Variants in TSPAN18 observed in about 807,000 individuals in gnomAD.
TSPAN18 encodes tetraspanin-18.
A neutral mutation model predicts 27.3 loss-of-function variants in TSPAN18; 14 were observed. The ratio of observed to expected loss-of-function variants is 0.51; its 90% CI spans 0.34 to 0.80. The LOEUF (loss-of-function observed/expected upper bound fraction) is 0.80, where lower values mean the gene tolerates loss of function less well. Ranked by LOEUF, TSPAN18 falls within the 30% of genes least tolerant of loss-of-function variation. TSPAN18 has a pLI of 0.01. For synonymous variants in TSPAN18, 143 were observed against 136.5 expected, an observed-to-expected ratio of 1.05 and a Z score of -0.33; for missense variants, 268 against 323.9, an observed-to-expected ratio of 0.83 and a Z score of 1.32.
intron 2 of TSPAN18, among the ~76,000 whole-genome samples, chr11:44,807,812 G>A (rs1288622737): frequency 6.6e-6 from 1 of 152,166 alleles, no homozygotes; most frequent in Non-Finnish European, 1.5e-5. Flanking sequence ...AACCTCTGTG[G>A]CCCAGCTGAA....
intron 2 of TSPAN18, among the ~76,000 whole-genome samples, chr11:44,777,315 G>A (rs957244971): frequency 6.6e-6 from 1 of 152,150 alleles, no homozygotes; most frequent in African/African-American, 2.4e-5. Context: ...TGGGTTGGGG[G>A]TGGGGAGGAC....
chr11:44,870,548 C>T (rs1209439668), intron 3 of TSPAN18, among the ~76,000 whole-genome samples: 7 of 152,184 alleles, frequency 4.6e-5, no homozygotes, highest in Admixed American at 3.9e-4. Flanking sequence ...TGCTTGAATA[C>T]ACCTAGTCAG....
chr11:44,795,662 AAGCTTCTGGGGCCCAGACCCC>A (rs66813694), intron 2 of TSPAN18, among the ~76,000 whole-genome samples: 93,015 of 151,118 alleles, frequency 0.62, 31,002 homozygotes, highest in South Asian at 0.81. Flanking sequence ...CTGATTGTCT[AAGCTTCTGGGGCCCAGACCCC>A]ATTTTCTGCC....
At position 44,844,103 on chromosome 11, in the gene TSPAN18, T is replaced by A. The variant is rs189782505; in HGVS notation, c.-152-16225T>A. Among the ~76,000 whole-genome samples, 131 of 152,344 alleles carry A rather than the reference T, an allele frequency of 8.6e-4. No individual in the cohort carries two copies. In the East Asian group the frequency reaches 0.018, roughly 20 times the overall value. ...TTAGAGATTGCAGTAAAGACAGGCA[T>A]AAGAAATTACAAAAGTATTAATTTG... is the stretch of plus-strand genomic sequence containing the variant. On this transcript the variant is annotated intron_variant, in intron 2 of 9. Coordinates refer to ENST00000520358, the MANE Select transcript of TSPAN18 (RefSeq NM_130783.5).
At chr11:44,815,184 G>C (rs907864488) in intron 2 of TSPAN18, among the ~76,000 whole-genome samples, 6 of 152,192 alleles carry the variant, frequency 3.9e-5, no homozygotes, top group Non-Finnish European at 8.8e-5. Flanking sequence ...AGGCACTCCT[G>C]GGGGCTTCCA....
intron 2 of TSPAN18, among the ~76,000 whole-genome samples, chr11:44,826,786 T>C (rs1000263771): frequency 2.6e-5 from 4 of 152,220 alleles, no homozygotes; most frequent in Non-Finnish European, 1.5e-5. Context: ...GTTTGGATTC[T>C]GCACAGAGCC....
chr11:44,732,000 G>A (rs1195276424), intron 1 of TSPAN18, among the ~76,000 whole-genome samples: 1 of 152,178 alleles, frequency 6.6e-6, no homozygotes, highest in Non-Finnish European at 1.5e-5. Context: ...AGACACTTTC[G>A]ACTTTAAGAT....
chr11:44,824,007 C>T (rs879251307), intron 2 of TSPAN18, among the ~76,000 whole-genome samples: 9 of 152,192 alleles, frequency 5.9e-5, no homozygotes, highest in South Asian at 2.1e-4. Flanking sequence ...TGTAGCCAGT[C>T]GCTGGGAATC....
chr11:44,930,350 C>T lies in TSPAN18; in HGVS notation c.*1172C>T, dbSNP rs992962175. 1.9e-5 allele frequency: 3 copies of T among 156,000 alleles called. No individual in the cohort carries two copies. Among genetic ancestry groups the T allele is most frequent in the African/African-American group, 7.2e-5 (3 of 41,480 alleles). The allele number at this position is 156,000 out of a possible 1,614,324, so 9.7% of individuals were successfully genotyped here. On this transcript the variant is annotated 3_prime_UTR_variant, in exon 10 of 10. Transcript: ENST00000520358. ...TGCCTTTGGACTGCTCTGACTTTAG[C>T]ATCAGCTTAATACACAGAAGAGGTT...
intron 3 of TSPAN18, among the ~76,000 whole-genome samples, chr11:44,901,611 G>A (rs377074299): frequency 5.9e-5 from 9 of 152,224 alleles, no homozygotes; most frequent in African/African-American, 1.7e-4. Flanking sequence ...TTTGACACAA[G>A]AAGGCACTGA....
intron 2 of TSPAN18, among the ~76,000 whole-genome samples, chr11:44,808,406 A>G (rs1168927104): frequency 2.0e-5 from 3 of 152,214 alleles, no homozygotes; most frequent in African/African-American, 7.2e-5. Context: ...AGAAAATCCT[A>G]TGCCTGTGTA....
intron 2 of TSPAN18, among the ~76,000 whole-genome samples, chr11:44,820,504 A>G (rs956159400): frequency 1.3e-5 from 2 of 152,148 alleles, no homozygotes; most frequent in African/African-American, 2.4e-5. Flanking sequence ...GGCACTTGAG[A>G]GCTAGACTGT....
chr11:44,790,590 G>T (rs1189111999), intron 2 of TSPAN18, among the ~76,000 whole-genome samples: 1 of 150,484 alleles, frequency 6.6e-6, no homozygotes, highest in Admixed American at 6.7e-5. Context: ...GTGTGCATGT[G>T]TTCGTGTGTG....
At chr11:44,858,607 C>G (rs985447460) in intron 2 of TSPAN18, among the ~76,000 whole-genome samples, 2 of 152,178 alleles carry the variant, frequency 1.3e-5, no homozygotes, top group South Asian at 2.1e-4. Flanking sequence ...AAGACTCCCC[C>G]CTCCATGGAT....
At position 44,726,977 on chromosome 11, in the gene TSPAN18, C is replaced by T. The variant is rs1019670395; in HGVS notation, c.-550C>T. 2 of 107,512 alleles carry T rather than the reference C, an allele frequency of 1.9e-5. No homozygotes were observed. Among genetic ancestry groups the T allele is most frequent in the Non-Finnish European group, 4.5e-5 (2 of 44,846 alleles). 6.7% of individuals were successfully genotyped at this position (107,512 alleles called of 1,614,324 possible). A position where few individuals can be genotyped will look rare whatever the true frequency, so the allele number is the denominator to read the frequency against. Reference sequence around the variant, plus strand: ...GCGGGCGTGCAGCTGCCGCCGGCGTCGCGGGGCTCCAGGCTGCGGGGCGGA... The same window carrying T: ...GCGGGCGTGCAGCTGCCGCCGGCGTTGCGGGGCTCCAGGCTGCGGGGCGGA... On this transcript the variant is annotated 5_prime_UTR_variant, in exon 1 of 10. Coordinates refer to ENST00000520358, the MANE Select transcript of TSPAN18 (RefSeq NM_130783.5).
At chr11:44,818,404 T>C (rs1372989096) in intron 2 of TSPAN18, among the ~76,000 whole-genome samples, 1 of 152,200 alleles carries the variant, frequency 6.6e-6, no homozygotes, top group Admixed American at 6.5e-5. Context: ...GGCCAGAGGA[T>C]TTCCTGGCTC....
intron 2 of TSPAN18, among the ~76,000 whole-genome samples, chr11:44,808,550 GGAGT>G (rs1856649930): frequency 6.6e-6 from 1 of 152,216 alleles, no homozygotes; most frequent in South Asian, 2.1e-4. Context: ...CTGCAGCATA[GGAGT>G]GAGTGACATG....
At chr11:44,881,771 C>T (rs1227200838) in intron 3 of TSPAN18, among the ~76,000 whole-genome samples, 1 of 152,166 alleles carries the variant, frequency 6.6e-6, no homozygotes, top group Non-Finnish European at 1.5e-5. Flanking sequence ...GCCAACCGTT[C>T]TTGACCCTGT....
In TSPAN18 at chr11:44,739,127, C is replaced by T. The variant is rs141611081; in HGVS notation, c.-240+11840C>T. On this transcript the variant is annotated intron_variant, in intron 1 of 9. Coordinates refer to ENST00000520358, the MANE Select transcript of TSPAN18 (RefSeq NM_130783.5). ...CTTTGCTCCCGTCCAGCCTTGAATC[C>T]CTCGTTTGGTGGCAGCTGCCAAAAC... Among the ~76,000 whole-genome samples the T allele has an allele frequency of 3.0e-3, 456 of 152,268 alleles. 5 individuals carry two copies. Among genetic ancestry groups the T allele is most frequent in the Non-Finnish European group, 3.8e-3 (259 of 68,026 alleles).
Sources: gnomAD v4.1 joint callset for allele counts (sites outside exome capture counted in the v4.1 genomes callset) on GRCh38, gnomAD v4.1.1 for gene constraint, MANE v1.5 for transcripts, NCBI Gene and HGNC (gene_info 2026-07-23, HGNC 2026-07-21) for gene names.